Variants in DSCAML1 observed in about 807,000 individuals in gnomAD.
DSCAML1 encodes DS cell adhesion molecule like 1.
Under a neutral mutation model 200.5 loss-of-function variants are expected in DSCAML1, and 38 were observed. The observed-to-expected ratio is 0.19, with a 90% CI of 0.15 to 0.25. DSCAML1 has a LOEUF of 0.25. Ranked by LOEUF, DSCAML1 falls within the 10% of genes least tolerant of loss-of-function variation. The probability of loss-of-function intolerance (pLI) is 1.00; values close to 1 mark genes in which losing one functional copy is unlikely to be tolerated. For missense variants in DSCAML1, 2,223 were observed against 2,858.8 expected, an observed-to-expected ratio of 0.78 and a Z score of 5.07; for synonymous variants, 1,215 against 1,165.0, an observed-to-expected ratio of 1.04 and a Z score of -0.87.
intron 11 of DSCAML1, among the ~76,000 whole-genome samples, chr11:117,497,077 G>A (rs559144971): frequency 1.3e-5 from 2 of 152,294 alleles, no homozygotes; most frequent in South Asian, 2.1e-4. Context: ...GCTGGGGCCT[G>A]GAACTGGCGA....
chr11:117,673,293 T>C (rs1164331205), intron 3 of DSCAML1, among the ~76,000 whole-genome samples: 2 of 152,224 alleles, frequency 1.3e-5, no homozygotes, highest in Non-Finnish European at 2.9e-5. Context: ...AATTATCCTC[T>C]GCTTTTCTAA....
At chr11:117,668,367 G>C (rs7932511) in intron 3 of DSCAML1, 1 of 152,138 alleles carries the variant, frequency 6.6e-6, no homozygotes, top group Non-Finnish European at 1.5e-5. Flanking sequence ...ATTCCAGAGC[G>C]GCCCCCAGCC....
intron 3 of DSCAML1, among the ~76,000 whole-genome samples, chr11:117,652,000 C>A (rs1238517907): frequency 1.3e-5 from 2 of 152,194 alleles, no homozygotes; most frequent in East Asian, 3.9e-4. Flanking sequence ...GGCTTCTGAG[C>A]CACTGTTTCC....
intron 3 of DSCAML1, among the ~76,000 whole-genome samples, chr11:117,669,610 C>T (rs75187519): frequency 2.6e-3 from 399 of 152,240 alleles, no homozygotes; most frequent in Middle Eastern, 6.8e-3. Context: ...TTAAAAACAA[C>T]AAAGATGGGA....
chr11:117,523,089 C>T (rs2049911316), intron 5 of DSCAML1, among the ~76,000 whole-genome samples: 1 of 152,114 alleles, frequency 6.6e-6, no homozygotes, highest in Non-Finnish European at 1.5e-5. Flanking sequence ...GGTACAGGCA[C>T]CATATACGTG....
chr11:117,523,001 T>G (rs2049909993), intron 5 of DSCAML1, among the ~76,000 whole-genome samples: 1 of 152,072 alleles, frequency 6.6e-6, no homozygotes, highest in Non-Finnish European at 1.5e-5. Context: ...CATCTGGAAG[T>G]GGTGACTTGC....
rs187854826 is a variant in DSCAML1, at chr11:117,504,611, C to T, written c.2182+313G>A. 2.4e-3 allele frequency among the ~76,000 whole-genome samples: 361 copies of T among 152,218 alleles called. No homozygotes were observed. The highest frequency in any genetic ancestry group is 7.1e-3 in the African/African-American group (294 of 41,542). On this transcript the variant is annotated intron_variant, in intron 10 of 32. Coordinates refer to ENST00000651296, the MANE Select transcript of DSCAML1 (RefSeq NM_020693.4). The surrounding 1 kb of genome is among the most constrained non-coding windows in gnomAD (Gnocchi z 5.0). ...CAGGGGGCTTTGAGGCTCTGGGGCC[C>T]CAGGGGAGGGTGCGGTAGGGAAAGC...
At chr11:117,627,582 A>G (rs1293736667) in intron 3 of DSCAML1, among the ~76,000 whole-genome samples, 1 of 151,938 alleles carries the variant, frequency 6.6e-6, no homozygotes, top group Non-Finnish European at 1.5e-5. Context: ...TCTCTATGTA[A>G]AGCCCGTCTG....
Position 117,570,237 on chromosome 11 carries a change from A to G in DSCAML1, c.512-37715T>C, listed in dbSNP as rs2050826199. 3.9e-5 allele frequency among the ~76,000 whole-genome samples: 6 copies of G among 152,232 alleles called. No homozygotes were observed. In the South Asian group the frequency reaches 1.2e-3, roughly 32 times the overall value. On this transcript the variant is annotated intron_variant, in intron 3 of 32. Coordinates refer to ENST00000651296, the MANE Select transcript of DSCAML1 (RefSeq NM_020693.4). ...GGTAGTTTTCGGGGTATCTCATGCC[A>G]AGGATGAACGCTTTAGATTTGAGTG...
chr11:117,442,024 GTGTGTGTA>G (rs969035030), intron 21 of DSCAML1, among the ~76,000 whole-genome samples: 39 of 100,698 alleles, frequency 3.9e-4, no homozygotes, highest in African/African-American at 2.3e-3. Context: ...CTGCATGTGA[GTGTGTGTA>G]TGTGTGTGTG....
In DSCAML1 at chr11:117,428,285, G is replaced by T; in HGVS notation, c.*43C>A. On this transcript the variant is annotated 3_prime_UTR_variant, in exon 33 of 33. Coordinates refer to ENST00000651296, the MANE Select transcript of DSCAML1 (RefSeq NM_020693.4). ...AACAGCCGAGCTGGCGTGTGGGGCT[G>T]CGGCGCGGCGCGGTCCAGGCGTGGC... 1 of 1,108,648 alleles carries T rather than the reference G, an allele frequency of 9.0e-7. No individual in the cohort carries two copies. The highest frequency in any genetic ancestry group is 1.3e-6 in the Non-Finnish European group (1 of 742,476). The allele number at this position is 1,108,648 out of a possible 1,614,324, so 68.7% of individuals were successfully genotyped here.
chr11:117,627,215 G>C (rs115230011), intron 3 of DSCAML1, among the ~76,000 whole-genome samples: 1,882 of 152,230 alleles, frequency 0.012, 37 homozygotes, highest in African/African-American at 0.043. Flanking sequence ...CCATCAGAAC[G>C]GAGATGGCGG....
At chr11:117,486,486 T>C (rs1034255769) in intron 11 of DSCAML1, among the ~76,000 whole-genome samples, 1 of 120,036 alleles carries the variant, frequency 8.3e-6, no homozygotes, top group Non-Finnish European at 1.7e-5. Flanking sequence ...GATGTGAAAA[T>C]GGTGGATGTG....
intron 1 of DSCAML1, among the ~76,000 whole-genome samples, chr11:117,807,710 G>A (rs527258171): frequency 2.9e-4 from 44 of 152,302 alleles, no homozygotes; most frequent in Middle Eastern, 6.8e-3. Context: ...TGGGCGGGAT[G>A]GGGGCTCCTC....
Position 117,578,929 on chromosome 11 carries a change from C to T in DSCAML1, c.512-46407G>A, listed in dbSNP as rs1050439064. Among the ~76,000 whole-genome samples the T allele has an allele frequency of 5.3e-5, 8 of 152,176 alleles. 1 individual carries two copies. The highest frequency in any genetic ancestry group is 1.2e-4 in the Non-Finnish European group (8 of 68,044). ...TACCTCAGCCCTCCAGCCTATTGCT[C>T]CCCAGTCTTCCCATTCCCCATGAAG... On this transcript the variant is annotated intron_variant, in intron 3 of 32. Transcript: ENST00000651296.
intron 3 of DSCAML1, among the ~76,000 whole-genome samples, chr11:117,609,467 C>T (rs2051644104): frequency 6.6e-6 from 1 of 151,916 alleles, no homozygotes; most frequent in Non-Finnish European, 1.5e-5. Context: ...ACCACCAGAC[C>T]TGGCTAATTA....
At chr11:117,584,285 T>G (rs896054554) in intron 3 of DSCAML1, among the ~76,000 whole-genome samples, 3 of 152,210 alleles carry the variant, frequency 2.0e-5, no homozygotes, top group Admixed American at 6.5e-5. Flanking sequence ...ACTGGGATTC[T>G]TGGTCTGATT....
chr11:117,696,257 C>G (rs2053585981), intron 3 of DSCAML1, among the ~76,000 whole-genome samples: 1 of 152,182 alleles, frequency 6.6e-6, no homozygotes, highest in Non-Finnish European at 1.5e-5. Flanking sequence ...GGAAGTTGAG[C>G]TGGTTCCCCC....
intron 11 of DSCAML1, among the ~76,000 whole-genome samples, chr11:117,487,630 C>T (rs2049102730): frequency 6.6e-6 from 1 of 152,216 alleles, no homozygotes; most frequent in African/African-American, 2.4e-5. Flanking sequence ...CTCAGGTTAT[C>T]TGTTCCTAAC....
Sources: gnomAD v4.1 joint callset for allele counts (sites outside exome capture counted in the v4.1 genomes callset) on GRCh38, gnomAD v4.1.1 for gene constraint, Gnocchi (gnomAD v3.1) non-coding constraint, MANE v1.5 for transcripts, NCBI Gene and HGNC (gene_info 2026-07-23, HGNC 2026-07-21) for gene names.